The following NCOA4 variants were observed in gnomAD, a reference collection of about 807,000 sequenced individuals.
The protein encoded by NCOA4 is nuclear receptor coactivator 4, also known as 70 kDa AR-activator.
A neutral mutation model predicts 69.5 loss-of-function variants in NCOA4; 31 were observed. That is an observed-to-expected ratio of 0.45 (90% confidence interval 0.34 to 0.60). The LOEUF (loss-of-function observed/expected upper bound fraction) is 0.60, where lower values mean the gene tolerates loss of function less well. NCOA4 is among the 20% of genes least tolerant of loss of function. The pLI is 0.02. For missense variants in NCOA4, 600 were observed against 719.2 expected (o/e 0.83, Z 1.90); for synonymous variants, 228 against 252.4 (o/e 0.90, Z 0.92).
In NCOA4 at chr10:46,016,964, A is replaced by T. The variant is rs201775285; in HGVS notation, c.-14-270T>A. Among the ~76,000 whole-genome samples the T allele has an allele frequency of 3.3e-5, 5 of 152,244 alleles. No homozygotes were observed. The East Asian group carries it at 9.6e-4, about 29-fold the overall frequency. On this transcript the variant is annotated intron_variant, in intron 1 of 9. Transcript: ENST00000581486. ...CTGGAAAAATACACTAATTGTCCTGAATCAAAGAGCATACAGTGTCCTGAA... is the reference window on the plus strand; with the variant it reads ...CTGGAAAAATACACTAATTGTCCTGTATCAAAGAGCATACAGTGTCCTGAA...
intron 2 of NCOA4, among the ~76,000 whole-genome samples, 163 bp from the exon 3 acceptor site, chr10:46,015,429 A>T (rs1003756562): frequency 6.6e-6 from 1 of 152,142 alleles, no homozygotes; most frequent in Non-Finnish European, 1.5e-5. Flanking sequence ...CCCAGAAAAA[A>T]TGTATATTTT....
At chr10:46,030,074 T>C (rs1190641245) in intron 1 of NCOA4, among the ~76,000 whole-genome samples, 1 of 152,230 alleles carries the variant, frequency 6.6e-6, no homozygotes, top group Non-Finnish European at 1.5e-5. Flanking sequence ...TTATGTTCTG[T>C]GCCCGTCCGG....
At chr10:46,019,157 G>T (rs1416786383) in intron 1 of NCOA4, among the ~76,000 whole-genome samples, 1 of 152,108 alleles carries the variant, frequency 6.6e-6, no homozygotes, top group East Asian at 1.9e-4. Flanking sequence ...AAAAAGAAAG[G>T]GCTGCCTTAA....
At chr10:46,023,252 G>C (rs1839987696) in intron 1 of NCOA4, 1 of 984,000 alleles carries the variant, frequency 1.0e-6, no homozygotes, top group Non-Finnish European at 1.2e-6. Flanking sequence ...GCTGCGACCC[G>C]GCTCCTGCCC....
chr10:46,012,089 A>C (rs1590156739), intron 7 of NCOA4, among the ~76,000 whole-genome samples: 2 of 140,724 alleles, frequency 1.4e-5, no homozygotes, highest in African/African-American at 2.9e-5. Flanking sequence ...AAAAAAAAAA[A>C]AAAAAAAAAA....
At chr10:46,023,070 T>C (rs1317095893) in intron 1 of NCOA4, among the ~76,000 whole-genome samples, 2 of 152,244 alleles carry the variant, frequency 1.3e-5, no homozygotes, top group Non-Finnish European at 2.9e-5. Flanking sequence ...TCTAAAGTAG[T>C]AACTGAAAAC....
intron 1 of NCOA4, chr10:46,027,340 C>A (rs1840218529): frequency 9.0e-7 from 1 of 1,112,522 alleles, no homozygotes; most frequent in Middle Eastern, 2.3e-4. Context: ...TTAAGCATTG[C>A]AATGTTATGA....
At position 46,013,008 on chromosome 10, in the gene NCOA4, C is replaced by T. The variant is rs1839327528; in HGVS notation, c.589G>A (p.Val197Ile). ...AGCCATTCGCTGAAAGGGACAGCTACAATACCGGATGCTGACTTCTGTTAA... is the reference window on the plus strand; with the variant it reads ...AGCCATTCGCTGAAAGGGACAGCTATAATACCGGATGCTGACTTCTGTTAA... ...MPEQKSASGI[V>I]AVPFSEWLLG... The change falls in exon 7 of 10, where the codon GTA (valine) becomes ATA (isoleucine). Residue 197 changes from valine (V) to isoleucine (I), a missense_variant. Transcript: ENST00000581486. The T allele has an allele frequency of 1.2e-6, 2 of 1,613,918 alleles. No homozygotes were observed. Among genetic ancestry groups the T allele is most frequent in the African/African-American group, 2.7e-5 (2 of 74,898 alleles).
intron 1 of NCOA4, among the ~76,000 whole-genome samples, chr10:46,018,915 G>A (rs570187912): frequency 6.6e-4 from 101 of 152,280 alleles, no homozygotes; most frequent in African/African-American, 2.3e-3. Flanking sequence ...TTAGGGCCAG[G>A]TGCCTAACTG....
rs2132301503 is a variant in NCOA4, at chr10:46,006,063, T to A, written c.*529A>T. On this transcript the variant is annotated 3_prime_UTR_variant, in exon 10 of 10. Transcript: ENST00000581486. ...AATTGCCAAGATTATTAATATATATTTTGGTAATCACTATTGACCAGGTTA... is the reference window on the plus strand; with the variant it reads ...AATTGCCAAGATTATTAATATATATATTGGTAATCACTATTGACCAGGTTA... 4.8e-6 allele frequency: 1 copy of A among 207,598 alleles called. No individual in the cohort carries two copies. The highest frequency in any genetic ancestry group is 2.3e-5 in the African/African-American group (1 of 44,040). The allele number at this position is 207,598 out of a possible 1,614,324, so 12.9% of individuals were successfully genotyped here. A position where few individuals can be genotyped will look rare whatever the true frequency, so the allele number is the denominator to read the frequency against.
chr10:46,021,242 A>C (rs1373240853), intron 1 of NCOA4, among the ~76,000 whole-genome samples: 1 of 152,246 alleles, frequency 6.6e-6, no homozygotes, highest in African/African-American at 2.4e-5. Context: ...TGACCCACAC[A>C]AACTACAATT....
intron 1 of NCOA4, among the ~76,000 whole-genome samples, chr10:46,019,146 T>C (rs1287226620): frequency 6.6e-6 from 1 of 152,214 alleles, no homozygotes; most frequent in Non-Finnish European, 1.5e-5. Context: ...AATCATCTAT[T>C]AAAAAGAAAG....
chr10:46,014,624 C>G (rs1554922630), intron 4 of NCOA4, 72 bp from the exon 5 acceptor site: 1 of 1,133,282 alleles, frequency 8.8e-7, no homozygotes, highest in Non-Finnish European at 1.3e-6. Flanking sequence ...AAAACAAAAG[C>G]CAAATTGTGA....
intron 9 of NCOA4, among the ~76,000 whole-genome samples, chr10:46,007,922 C>A (rs552437585): frequency 6.6e-6 from 1 of 152,256 alleles, no homozygotes; most frequent in Admixed American, 6.5e-5. Flanking sequence ...TGCTTCAATC[C>A]TAGAGCCCTT....
chr10:46,012,070 G>GAAAAACAAAAAAAA (rs1839248350), intron 7 of NCOA4, among the ~76,000 whole-genome samples: 1 of 44,524 alleles, frequency 2.2e-5, no homozygotes, highest in Non-Finnish European at 4.1e-5. Flanking sequence ...CAAAAAGAAA[G>GAAAAACAAAAAAAA]AAAAAAAAAA....
chr10:46,017,501 C>T lies in NCOA4; in HGVS notation c.-14-807G>A, dbSNP rs60986468. 4.2e-3 allele frequency among the ~76,000 whole-genome samples: 641 copies of T among 152,236 alleles called. 6 individuals carry two copies. The highest frequency in any genetic ancestry group is 0.015 in the African/African-American group (605 of 41,528). On this transcript the variant is annotated intron_variant, in intron 1 of 9. Transcript: ENST00000581486. ...TCGCAGCTGCAGTGAGCCGTGATTG[C>T]ACCTGCACTCCACCCTGGGTAAGAG...
At chr10:46,024,539 T>C (rs1206024105) in intron 1 of NCOA4, among the ~76,000 whole-genome samples, 2 of 152,220 alleles carry the variant, frequency 1.3e-5, no homozygotes, top group Non-Finnish European at 1.5e-5. Context: ...TTTGTGTTTC[T>C]CTCCTCAAGC....
rs782668890 is a variant in NCOA4 at position 46,009,440 on chromosome 10, C to T, written c.1810G>A (p.Glu604Lys). 2 of 1,612,988 alleles carry T rather than the reference C, an allele frequency of 1.2e-6. No individual in the cohort carries two copies. The highest frequency in any genetic ancestry group is 1.7e-5 in the Admixed American group (1 of 59,948). Residue 604 changes from glutamate to lysine, a missense_variant, in exon 9 of 10, where the codon GAG becomes AAG. Transcript: ENST00000581486. ...FACMQLKVDK[E>K]KWLYRTPLQM ...AGAGGAGTTCGATATAACCACTTCT[C>T]TTTATCAACTTTAAGCTGCATACAG...
In NCOA4 at chr10:46,015,141, A is replaced by G; in HGVS notation, c.267T>C (p.Ala89=). Residue 89 remains alanine (A), a synonymous_variant, in exon 3 of 10, where the codon GCT becomes GCC. Transcript: ENST00000581486. ...GTCACCTTACCGAGTAGAGCTGCTG[A>G]GCCTGCTGTTGAAGTGTCTCCTCTT... ...QLKEETLQQQ[A]QQLYSLLGQF... is the part of the protein sequence containing the mutation. 1 of 1,614,228 alleles carries G rather than the reference A, an allele frequency of 6.2e-7. No individual in the cohort carries two copies. The highest frequency in any genetic ancestry group is 8.5e-7 in the Non-Finnish European group (1 of 1,180,042).
Sources: gnomAD v4.1 joint callset for allele counts (sites outside exome capture counted in the v4.1 genomes callset) on GRCh38, gnomAD v4.1.1 for gene constraint, MANE v1.5 for transcripts, NCBI Gene and HGNC (gene_info 2026-07-23, HGNC 2026-07-21) for gene names.